The following SLC16A10 variants were observed in gnomAD, a reference collection of about 807,000 sequenced individuals.
SLC16A10 encodes solute carrier family 16 member 10.
Under a neutral mutation model 40.0 loss-of-function variants are expected in SLC16A10, and 27 were observed. That is an observed-to-expected ratio of 0.67 (90% confidence interval 0.50 to 0.93). SLC16A10 has a LOEUF of 0.93. Among genes scored for constraint, SLC16A10 ranks in the 40% least tolerant of loss-of-function variants. The probability of loss-of-function intolerance (pLI) is 0.00; values close to 1 mark genes in which losing one functional copy is unlikely to be tolerated. For synonymous variants in SLC16A10, 213 were observed against 249.8 expected (o/e 0.85, Z 1.39); for missense variants, 529 against 658.2 (o/e 0.80, Z 2.15).
At chr6:111,113,883 G>A (rs185298279) in intron 1 of SLC16A10, among the ~76,000 whole-genome samples, 1 of 152,220 alleles carries the variant, frequency 6.6e-6, no homozygotes, top group East Asian at 1.9e-4. Context: ...GTAAAAGCCG[G>A]GTCTGAGGTC....
intron 1 of SLC16A10, among the ~76,000 whole-genome samples, chr6:111,144,891 C>T (rs998383939): frequency 2.6e-5 from 4 of 152,174 alleles, no homozygotes; most frequent in Non-Finnish European, 5.9e-5. Flanking sequence ...ATCACCTAGA[C>T]TGGAGTGCTG....
At chr6:111,201,874 A>C (rs369374442) in intron 3 of SLC16A10, among the ~76,000 whole-genome samples, 6 of 152,170 alleles carry the variant, frequency 3.9e-5, no homozygotes, top group Non-Finnish European at 8.8e-5. Context: ...TTGAGTTTCT[A>C]ATGCATGTTC....
chr6:111,096,469 C>T (rs767726735), intron 1 of SLC16A10, among the ~76,000 whole-genome samples: 1 of 150,564 alleles, frequency 6.6e-6, no homozygotes, highest in African/African-American at 2.5e-5. Flanking sequence ...AACTCCAGCA[C>T]ACCTGGGAAC....
intron 1 of SLC16A10, among the ~76,000 whole-genome samples, chr6:111,144,242 C>T (rs901166552): frequency 4.6e-5 from 7 of 152,120 alleles, no homozygotes; most frequent in African/African-American, 1.7e-4. Context: ...CTCTCTCTGT[C>T]CCCCAGGCTG....
At chr6:111,217,265 A>C (rs914629191) in intron 4 of SLC16A10, among the ~76,000 whole-genome samples, 2 of 152,174 alleles carry the variant, frequency 1.3e-5, no homozygotes, top group African/African-American at 4.8e-5. Flanking sequence ...CATTAGTACC[A>C]CCTCATAAAG....
At chr6:111,089,469 A>G (rs562718780) in intron 1 of SLC16A10, among the ~76,000 whole-genome samples, 2 of 152,306 alleles carry the variant, frequency 1.3e-5, no homozygotes, top group East Asian at 1.9e-4. Flanking sequence ...CAATGCTGCA[A>G]TGAATATTCT....
chr6:111,141,402 C>A (rs1032236323), intron 1 of SLC16A10, among the ~76,000 whole-genome samples: 1 of 152,166 alleles, frequency 6.6e-6, no homozygotes, highest in Non-Finnish European at 1.5e-5. Flanking sequence ...ATGCCTCACG[C>A]CTGTAATCCC....
intron 4 of SLC16A10, 81 bp downstream of exon 4, chr6:111,206,816 A>G: frequency 2.0e-6 from 3 of 1,506,680 alleles, no homozygotes; most frequent in Non-Finnish European, 2.7e-6. Context: ...ACATGCTTAA[A>G]TTCTTTTTTT....
At chr6:111,205,326 A>AT (rs946942326) in intron 3 of SLC16A10, among the ~76,000 whole-genome samples, 49 of 152,236 alleles carry the variant, frequency 3.2e-4, no homozygotes, top group African/African-American at 1.1e-3. Flanking sequence ...TTGGTGGGAA[A>AT]TTTGCTTGCA....
chr6:111,154,193 T>G lies in SLC16A10; in HGVS notation c.344-18502T>G, dbSNP rs77803401. Among the ~76,000 whole-genome samples, 197 of 152,362 alleles carry G rather than the reference T, an allele frequency of 1.3e-3. 3 individuals are homozygous for G. In the East Asian group the frequency reaches 0.032, roughly 25 times the overall value. Reference sequence around the variant, plus strand: ...TAACTAGCTTCCCACTATAGGCCATTAATCCTGTTATTATTTCAAAGATTA... The same window carrying G: ...TAACTAGCTTCCCACTATAGGCCATGAATCCTGTTATTATTTCAAAGATTA... On this transcript the variant is annotated intron_variant, in intron 1 of 5. Transcript: ENST00000368851.
chr6:111,176,350 G>A (rs1267415159), intron 2 of SLC16A10, among the ~76,000 whole-genome samples: 1 of 152,092 alleles, frequency 6.6e-6, no homozygotes, highest in Non-Finnish European at 1.5e-5. Context: ...TTTTACTACT[G>A]ATAGCCTTTT....
At chr6:111,217,748 C>G (rs1770792782) in intron 4 of SLC16A10, among the ~76,000 whole-genome samples, 1 of 152,106 alleles carries the variant, frequency 6.6e-6, no homozygotes, top group Non-Finnish European at 1.5e-5. Context: ...CCGTGCCCGG[C>G]CATGAATGGT....
chr6:111,202,039 G>C (rs151314258), intron 3 of SLC16A10, among the ~76,000 whole-genome samples: 60 of 152,346 alleles, frequency 3.9e-4, no homozygotes, highest in Non-Finnish European at 7.8e-4. Flanking sequence ...CTGTAAGAGA[G>C]GTGGAGAGGA....
chr6:111,194,859 G>A lies in SLC16A10; in HGVS notation c.943-11733G>A, dbSNP rs532369662. Reference sequence around the variant, plus strand: ...AAGCATTAATTGCTTTTTTCTGCCAGATATTTCCTTGCTAGGCTCTTGAGC... The same window carrying A: ...AAGCATTAATTGCTTTTTTCTGCCAAATATTTCCTTGCTAGGCTCTTGAGC... On this transcript the variant is annotated intron_variant, in intron 3 of 5. Coordinates refer to ENST00000368851, the MANE Select transcript of SLC16A10 (RefSeq NM_018593.5). 5.3e-5 allele frequency among the ~76,000 whole-genome samples: 8 copies of A among 152,202 alleles called. No homozygotes were observed. In the East Asian group the frequency reaches 1.5e-3, roughly 29 times the overall value.
intron 3 of SLC16A10, among the ~76,000 whole-genome samples, chr6:111,197,476 G>A (rs542095190): frequency 6.6e-6 from 1 of 152,252 alleles, no homozygotes; most frequent in East Asian, 1.9e-4. Flanking sequence ...CTTGCTTATT[G>A]ACACTATTGC....
In SLC16A10 at chr6:111,180,966, GCA is replaced by G. The variant is rs1772779445; in HGVS notation, c.942+3303_942+3304del. Among the ~76,000 whole-genome samples the G allele has an allele frequency of 2.0e-5, 3 of 152,184 alleles. No individual in the cohort carries two copies. In the South Asian group the frequency reaches 6.2e-4, roughly 32 times the overall value. On this transcript the variant is annotated intron_variant, in intron 3 of 5. Coordinates refer to ENST00000368851, the MANE Select transcript of SLC16A10 (RefSeq NM_018593.5). ...GCGGTGGCTCACCCCTGTAATCCCA[GCA>G]CTTTGGGAGGCCAAGGCAGGTGTAT... is the stretch of plus-strand genomic sequence containing the variant.
At chr6:111,182,673 T>A (rs1772820428) in intron 3 of SLC16A10, among the ~76,000 whole-genome samples, 1 of 152,022 alleles carries the variant, frequency 6.6e-6, no homozygotes, top group African/African-American at 2.4e-5. Flanking sequence ...GCTAGGTGTT[T>A]CAGACTTACC....
chr6:111,108,364 C>T (rs1206485223), intron 1 of SLC16A10, among the ~76,000 whole-genome samples: 14 of 151,962 alleles, frequency 9.2e-5, no homozygotes, highest in Non-Finnish European at 1.9e-4. Flanking sequence ...CTTTTTCTTT[C>T]CTAATCTTAA....
chr6:111,136,506 G>C (rs181445335), intron 1 of SLC16A10, among the ~76,000 whole-genome samples: 3 of 152,216 alleles, frequency 2.0e-5, no homozygotes, highest in Non-Finnish European at 2.9e-5. Flanking sequence ...TCAGACAACT[G>C]TTTGCTTAAA....
Sources: allele counts gnomAD v4.1 joint callset (sites outside exome capture counted in the v4.1 genomes callset), GRCh38; gene constraint gnomAD v4.1.1; transcripts MANE v1.5; gene names NCBI Gene and HGNC (gene_info 2026-07-23, HGNC 2026-07-21).